BMAL1: variants seen among roughly 807,000 people sequenced by gnomAD.
The protein encoded by BMAL1 is basic helix-loop-helix ARNT-like protein 1.
the BMAL1 span, among the ~76,000 whole-genome samples, chr11:13,371,344 A>T: frequency 6.6e-6 from 1 of 152,128 alleles, no homozygotes; most frequent in African/African-American, 2.4e-5. Flanking sequence ...AGTTAGAGTC[A>T]TCTTCATTTG....
the BMAL1 span, among the ~76,000 whole-genome samples, chr11:13,335,306 C>G: frequency 6.6e-6 from 1 of 152,228 alleles, no homozygotes; most frequent in Non-Finnish European, 1.5e-5. Flanking sequence ...CCTCCGCTGT[C>G]TATTCCTTCT....
At chr11:13,358,575 C>T in the BMAL1 span, 6 of 1,602,008 alleles carry the variant, frequency 3.7e-6, no homozygotes, top group East Asian at 4.5e-5. Flanking sequence ...CTGTTCAGCA[C>T]ATGAAAACAT....
the BMAL1 span, among the ~76,000 whole-genome samples, chr11:13,343,460 T>C: frequency 6.6e-6 from 1 of 152,224 alleles, no homozygotes; most frequent in Non-Finnish European, 1.5e-5. Context: ...TTTGCTCTGC[T>C]GCCTCATCCT....
the BMAL1 span, chr11:13,372,227 G>T: frequency 6.2e-7 from 1 of 1,614,182 alleles, no homozygotes; most frequent in East Asian, 2.2e-5. Flanking sequence ...CACCCACAAA[G>T]ATGGGGCTGG....
At chr11:13,378,474 A>AC in the BMAL1 span, 1 of 1,594,854 alleles carries the variant, frequency 6.3e-7, no homozygotes, top group East Asian at 2.3e-5. Flanking sequence ...TTCCTCTGTT[A>AC]AACCAGTGGT....
chr11:13,353,060 C>G, the BMAL1 span: 2 of 152,206 alleles, frequency 1.3e-5, no homozygotes, highest in African/African-American at 4.8e-5. Context: ...CATGGCTTTC[C>G]TTGCAAAGGA....
At chr11:13,328,515 C>G in the BMAL1 span, among the ~76,000 whole-genome samples, 2 of 152,110 alleles carry the variant, frequency 1.3e-5, no homozygotes, top group African/African-American at 2.4e-5. Flanking sequence ...TCACTGGTGC[C>G]GATGGCCCCT....
chr11:13,329,219 C>G, the BMAL1 span, among the ~76,000 whole-genome samples: 2 of 152,196 alleles, frequency 1.3e-5, no homozygotes, highest in Non-Finnish European at 2.9e-5. Context: ...CGTCGGATGG[C>G]CAGCAGAACC....
chr11:13,353,301 C>T, the BMAL1 span: 3 of 157,018 alleles, frequency 1.9e-5, no homozygotes, highest in Non-Finnish European at 4.4e-5. Context: ...TGTCCCATTC[C>T]TCCCTCACCA....
the BMAL1 span, among the ~76,000 whole-genome samples, chr11:13,312,632 A>G: frequency 1.3e-5 from 2 of 152,150 alleles, no homozygotes; most frequent in Non-Finnish European, 2.9e-5. Context: ...TGACAATTAT[A>G]ATGTCATTTT....
the BMAL1 span, among the ~76,000 whole-genome samples, chr11:13,347,529 A>G: frequency 6.6e-6 from 1 of 151,934 alleles, no homozygotes; most frequent in African/African-American, 2.4e-5. Context: ...TAGTACTTGA[A>G]ATTTGGATCC....
the BMAL1 span, among the ~76,000 whole-genome samples, chr11:13,278,248 C>T: frequency 6.6e-6 from 1 of 152,208 alleles, no homozygotes; most frequent in Non-Finnish European, 1.5e-5. Flanking sequence ...GCTGGAGTAC[C>T]CACCGCCCTT....
chr11:13,277,990 C>T, the BMAL1 span: 1 of 151,478 alleles, frequency 6.6e-6, no homozygotes, highest in Non-Finnish European at 1.5e-5. Flanking sequence ...CGTTAGCACC[C>T]TCGCGGGCGC....
chr11:13,281,581 C>T, the BMAL1 span, among the ~76,000 whole-genome samples: 1 of 152,094 alleles, frequency 6.6e-6, no homozygotes, highest in Non-Finnish European at 1.5e-5. Context: ...GTGGTGCAAT[C>T]GTGGCTCACT....
chr11:13,303,894 G>A, the BMAL1 span, among the ~76,000 whole-genome samples: 1 of 152,176 alleles, frequency 6.6e-6, no homozygotes, highest in East Asian at 1.9e-4. Context: ...TCATGGCATG[G>A]TGTGTTGCAG....
chr11:13,316,224 T>A, the BMAL1 span, among the ~76,000 whole-genome samples: 1 of 152,204 alleles, frequency 6.6e-6, no homozygotes, highest in Non-Finnish European at 1.5e-5. Flanking sequence ...AGAGCAATAC[T>A]TTGTACAGTC....
At chr11:13,366,581 A>G in the BMAL1 span, 3 of 1,234,384 alleles carry the variant, frequency 2.4e-6, no homozygotes, top group East Asian at 2.4e-5. Flanking sequence ...CAAAGGCAAC[A>G]TGCAGACTGT....
the BMAL1 span, among the ~76,000 whole-genome samples, chr11:13,322,972 T>C: frequency 1.3e-5 from 2 of 151,142 alleles, no homozygotes; most frequent in Non-Finnish European, 1.5e-5. Flanking sequence ...TTTTTTTTAA[T>C]TTTTTGTAGA....
chr11:13,284,196 GTGTATATATATATGTGTATATATA>G, the BMAL1 span, among the ~76,000 whole-genome samples: 1 of 30,258 alleles, frequency 3.3e-5, no homozygotes, highest in Non-Finnish European at 6.0e-5. Flanking sequence ...ATATATATGT[GTGTATATATATATGTGTATATATA>G]TATATATGTG....
Sources: allele counts gnomAD v4.1 joint callset (sites outside exome capture counted in the v4.1 genomes callset), GRCh38; gene constraint gnomAD v4.1.1; transcripts MANE v1.5; gene names NCBI Gene and HGNC (gene_info 2026-07-23, HGNC 2026-07-21).